SPG11: variants seen among roughly 807,000 people sequenced by gnomAD.
The protein encoded by SPG11 is spatacsin.
Under a neutral mutation model 274.0 loss-of-function variants are expected in SPG11, and 222 were observed. The observed-to-expected ratio is 0.81, with a 90% CI of 0.73 to 0.91. SPG11 has a LOEUF of 0.91. Among genes scored for constraint, SPG11 ranks in the 40% least tolerant of loss-of-function variants. The probability of loss-of-function intolerance (pLI) is 0.00; values close to 1 mark genes in which losing one functional copy is unlikely to be tolerated. For synonymous variants in SPG11, 1,144 were observed against 1,039.7 expected, an observed-to-expected ratio of 1.10 and a Z score of -1.93; for missense variants, 3,114 against 2,872.7, an observed-to-expected ratio of 1.08 and a Z score of -1.92.
chr15:44,608,674 A>G, intron 18 of SPG11, 69 bp from the exon 19 acceptor site: 1 of 1,475,836 alleles, frequency 6.8e-7, no homozygotes, highest in African/African-American at 1.4e-5. Context: ...TTTTTTTCAC[A>G]AGAACCTTGT....
chr15:44,648,512 CA>C (rs57643988), intron 7 of SPG11, among the ~76,000 whole-genome samples: 3,376 of 54,216 alleles, frequency 0.062, 95 homozygotes, highest in African/African-American at 0.16. Context: ...CACCCTGTGT[CA>C]AAAAAAAAAA....
chr15:44,567,682 A>G lies in SPG11; in HGVS notation c.6586-90T>C. 4 of 1,366,004 alleles carry G rather than the reference A, an allele frequency of 2.9e-6. No homozygotes were observed. In the South Asian group the frequency reaches 4.8e-5, roughly 16 times the overall value. The allele number at this position is 1,366,004 out of a possible 1,614,324, so 84.6% of individuals were successfully genotyped here. A position where few individuals can be genotyped will look rare whatever the true frequency, so the allele number is the denominator to read the frequency against. ...TGAGTCACCTTGTTCTGCATTCCTT[A>G]AAAACTCCCAAGAAGAAGAGGAGCA... is the stretch of plus-strand genomic sequence containing the variant. On this transcript the variant is annotated intron_variant, in intron 35 of 39. Transcript: ENST00000261866.
intron 7 of SPG11, among the ~76,000 whole-genome samples, chr15:44,634,204 A>G (rs1488819438): frequency 1.3e-5 from 2 of 152,098 alleles, no homozygotes; most frequent in African/African-American, 4.8e-5. Flanking sequence ...CTACCATTTT[A>G]TATTTCTACA....
In SPG11 at chr15:44,575,032, A is replaced by C. The variant is rs1296529053; in HGVS notation, c.5876T>G (p.Leu1959Arg). 5 of 1,614,014 alleles carry C rather than the reference A, an allele frequency of 3.1e-6. No individual in the cohort carries two copies. In the South Asian group the frequency reaches 4.4e-5, roughly 14 times the overall value. The change falls in exon 31 of 40, where the codon CTG (leucine) becomes CGG (arginine). Residue 1959 changes from leucine (L) to arginine (R), a missense_variant. Transcript: ENST00000261866. ...PLRRVHSTSS[L>R]DSQKFVTVPS... ...CACTGTCACAAACTTCTGACTATCCAGACTTGAAGCTGGAAGCAAATACAA... is the reference window on the plus strand; with the variant it reads ...CACTGTCACAAACTTCTGACTATCCCGACTTGAAGCTGGAAGCAAATACAA...
At chr15:44,652,867 A>G (rs2084827138) in intron 4 of SPG11, among the ~76,000 whole-genome samples, 1 of 152,084 alleles carries the variant, frequency 6.6e-6, no homozygotes, top group South Asian at 2.1e-4. Context: ...ATATTGGCCA[A>G]GCTGGTCTCA....
chr15:44,651,407 A>G, intron 6 of SPG11, 84 bp downstream of exon 6: 1 of 1,180,748 alleles, frequency 8.5e-7, no homozygotes, highest in Non-Finnish European at 1.2e-6. Context: ...TAAAGGCAAG[A>G]GCAGGCACTG....
At position 44,564,685 on chromosome 15, in the gene SPG11, GC is replaced by G; in HGVS notation, c.7012del (p.Ala2338LeufsTer18). On this transcript the variant is annotated frameshift_variant, in exon 39 of 40. Coordinates refer to ENST00000261866, the MANE Select transcript of SPG11 (RefSeq NM_025137.4). LOFTEE classifies it high-confidence loss of function. ...ATCTGGAACAAAATCGTAGGCCTCA[GC>G]CACAATAGAAGCCTTAAAAGGAGAG... Reference protein sequence around the residue: ...LPRFYQASIVAEAYDFVPDWA... With the variant: ...LPRFYQASIVXEAYDFVPDWA... The G allele has an allele frequency of 1.2e-6, 2 of 1,614,114 alleles. No homozygotes were observed. Among genetic ancestry groups the G allele is most frequent in the Non-Finnish European group, 1.7e-6 (2 of 1,180,020 alleles).
intron 19 of SPG11, among the ~76,000 whole-genome samples, 153 bp downstream of exon 19, chr15:44,608,291 G>A (rs144963193): frequency 5.9e-5 from 9 of 152,224 alleles, no homozygotes; most frequent in African/African-American, 2.2e-4. Flanking sequence ...TTTTTGGGTT[G>A]TCTCACTATC....
chr15:44,659,788 G>A (rs902552573), intron 2 of SPG11, among the ~76,000 whole-genome samples: 4 of 152,042 alleles, frequency 2.6e-5, no homozygotes, highest in Admixed American at 2.0e-4. Context: ...TTTCTAGCAG[G>A]GGTGGCTCAC....
chr15:44,612,796 C>A lies in SPG11; in HGVS notation c.3145+634G>T, dbSNP rs1418840311. ...AGCATGCAAAACCAAAAAACAAAAC[C>A]CACATTATGAAAAAATTCTGCATTT... On this transcript the variant is annotated intron_variant, in intron 17 of 39. Transcript: ENST00000261866. Among the ~76,000 whole-genome samples the A allele has an allele frequency of 1.4e-4, 22 of 151,976 alleles. 1 individual carries two copies.
chr15:44,658,632 T>G (rs970741650), intron 3 of SPG11, among the ~76,000 whole-genome samples: 1 of 152,068 alleles, frequency 6.6e-6, no homozygotes, highest in Non-Finnish European at 1.5e-5. Flanking sequence ...CTAATTTTTT[T>G]GTATTTTTAG....
chr15:44,634,741 T>C (rs1166177585), intron 7 of SPG11, among the ~76,000 whole-genome samples: 3 of 151,886 alleles, frequency 2.0e-5, no homozygotes, highest in African/African-American at 7.3e-5. Flanking sequence ...TCTGAACCAC[T>C]ACACTCAGCT....
At chr15:44,617,980 C>T (rs190909497) in intron 15 of SPG11, among the ~76,000 whole-genome samples, 17 of 151,842 alleles carry the variant, frequency 1.1e-4, no homozygotes, top group Non-Finnish European at 2.4e-4. Flanking sequence ...CCGGCAGACC[C>T]TCTAATTTCT....
intron 15 of SPG11, among the ~76,000 whole-genome samples, chr15:44,618,311 A>C (rs531962843): frequency 5.2e-4 from 79 of 151,232 alleles, no homozygotes; most frequent in Admixed American, 4.8e-3. Context: ...GATTGAGACC[A>C]ATCTGGCTAA....
intron 7 of SPG11, among the ~76,000 whole-genome samples, chr15:44,641,586 TACACACACACACACAC>T (rs147901004): frequency 2.7e-4 from 30 of 112,394 alleles, no homozygotes; most frequent in East Asian, 7.6e-4. Context: ...CCAAATATCT[TACACACACACACACAC>T]ACACACACAC....
intron 27 of SPG11, chr15:44,591,027 C>T (rs779298371): frequency 2.0e-5 from 3 of 152,206 alleles, no homozygotes; most frequent in East Asian, 1.9e-4. Context: ...CTGCTATCTT[C>T]TTACCTCTAT....
At chr15:44,602,579 C>T (rs1011896657) in intron 20 of SPG11, among the ~76,000 whole-genome samples, 1 of 151,454 alleles carries the variant, frequency 6.6e-6, no homozygotes, top group Non-Finnish European at 1.5e-5. Context: ...CCCGTATTCA[C>T]GCCATTCTCC....
intron 16 of SPG11, among the ~76,000 whole-genome samples, chr15:44,614,492 G>C (rs1169346810): frequency 2.6e-5 from 4 of 152,140 alleles, no homozygotes; most frequent in Non-Finnish European, 1.5e-5. Context: ...CCAAAGTGCT[G>C]GGATTAGAGA....
intron 30 of SPG11, 125 bp downstream of exon 30, chr15:44,583,689 C>T (rs2082698970): frequency 8.2e-7 from 1 of 1,218,538 alleles, no homozygotes; most frequent in African/African-American, 1.5e-5. Context: ...CTACAGATTA[C>T]CTGGAAAAAA....
Sources: gnomAD v4.1 joint callset for allele counts (sites outside exome capture counted in the v4.1 genomes callset) on GRCh38, gnomAD v4.1.1 for gene constraint, MANE v1.5 for transcripts, NCBI Gene and HGNC (gene_info 2026-07-23, HGNC 2026-07-21) for gene names.